The following EVC2 variants were observed in gnomAD, a reference collection of about 807,000 sequenced individuals.
EVC2 encodes EvC ciliary complex subunit 2.
A neutral mutation model predicts 149.3 loss-of-function variants in EVC2; 148 were observed. The ratio of observed to expected loss-of-function variants is 0.99; its 90% confidence interval spans 0.87 to 1.14. The LOEUF is 1.14. Among genes scored for constraint, EVC2 ranks in the 50% most tolerant of loss-of-function variants. EVC2 has a pLI of 0.00. For synonymous variants in EVC2, 776 were observed against 649.9 expected, an observed-to-expected ratio of 1.19 and a Z score of -2.95; for missense variants, 1,854 against 1,627.3, an observed-to-expected ratio of 1.14 and a Z score of -2.40.
At chr4:5,587,121 A>T (rs1712359140) in intron 16 of EVC2, among the ~76,000 whole-genome samples, 1 of 152,216 alleles carries the variant, frequency 6.6e-6, no homozygotes, top group African/African-American at 2.4e-5. Flanking sequence ...TTTCTATTGA[A>T]GTGAAATGCA....
rs1461295651 is a variant in EVC2 at position 5,568,637 on chromosome 4, G to A, written c.3364C>T (p.Leu1122=). 18 of 1,606,926 alleles carry A rather than the reference G, an allele frequency of 1.1e-5. No homozygotes were observed. The highest frequency in any genetic ancestry group is 1.4e-5 in the Non-Finnish European group (17 of 1,179,754). Residue 1122 remains leucine (L), a synonymous_variant, in exon 20 of 22, where the codon CTG becomes TTG. Coordinates refer to ENST00000344408, the MANE Select transcript of EVC2 (RefSeq NM_147127.5). ...CTCGCCAGGTACGATGCCAGTCTCAGCTCCTACAGGAAACAACAGAGGGAG... is the reference window on the plus strand; with the variant it reads ...CTCGCCAGGTACGATGCCAGTCTCAACTCCTACAGGAAACAACAGAGGGAG... The part of the protein sequence containing the change: ...DTFATLCSQE[L]RLASYLARMA...
At chr4:5,632,263 G>A (rs575118963) in intron 10 of EVC2, among the ~76,000 whole-genome samples, 2 of 152,298 alleles carry the variant, frequency 1.3e-5, no homozygotes, top group South Asian at 2.1e-4. Context: ...CATGCAATAT[G>A]TACACGCACA....
At position 5,677,957 on chromosome 4, in the gene EVC2, C is replaced by T. The variant is rs563275799; in HGVS notation, c.870+3303G>A. On this transcript the variant is annotated intron_variant, in intron 7 of 21. Coordinates refer to ENST00000344408, the MANE Select transcript of EVC2 (RefSeq NM_147127.5). This position sits in a 1 kb window ranked among gnomAD's most constrained non-coding sequence, Gnocchi z 4.3. ...TGGCTCTCTGGGAGGCGGTGTGGTC[C>T]AGTGCCTGACAGCAGGGCTCTGGAG... 1.2e-4 allele frequency among the ~76,000 whole-genome samples: 18 copies of T among 152,286 alleles called. No homozygotes were observed. The South Asian group carries it at 3.7e-3, about 32-fold the overall frequency.
the EVC2 span, among the ~76,000 whole-genome samples, chr4:5,532,506 C>A: frequency 6.6e-6 from 1 of 152,296 alleles, no homozygotes; most frequent in East Asian, 1.9e-4. Flanking sequence ...AAGACTCAGG[C>A]CCTTGCAGTA....
chr4:5,588,697 T>G (rs1712515542), intron 16 of EVC2, among the ~76,000 whole-genome samples: 1 of 152,154 alleles, frequency 6.6e-6, no homozygotes, highest in Non-Finnish European at 1.5e-5. Flanking sequence ...CAAATCAAAC[T>G]TCTAGAGAAC....
In EVC2 at chr4:5,629,274, C is replaced by A. The variant is rs998180422; in HGVS notation, c.1711-540G>T. Among the ~76,000 whole-genome samples the A allele has an allele frequency of 2.0e-5, 3 of 152,300 alleles. 1 individual carries two copies. The highest frequency in any genetic ancestry group is 2.9e-5 in the Non-Finnish European group (2 of 68,026). ...GATAATGTGAGGTGTGTTCTCTGGA[C>A]CTAACACTGGGCCAAGAGTGTTTCA... On this transcript the variant is annotated intron_variant, in intron 11 of 21. Transcript: ENST00000344408.
At chr4:5,560,352 A>G (rs1721914434), downstream of EVC2, among the ~76,000 whole-genome samples, 1 of 152,182 alleles carries the variant, frequency 6.6e-6, no homozygotes, top group Non-Finnish European at 1.5e-5. This position sits in a 1 kb window ranked among gnomAD's most constrained non-coding sequence, Gnocchi z 4.1. Context: ...AAGAGGTTAA[A>G]TTGACTCACA....
chr4:5,706,337 G>C (rs201924677), intron 1 of EVC2, among the ~76,000 whole-genome samples: 3 of 54,230 alleles, frequency 5.5e-5, no homozygotes, highest in East Asian at 7.6e-4. Flanking sequence ...TAGATAGATA[G>C]ATACATAGAT....
chr4:5,706,381 CATAGATAGATACATAGATAGATAGATAG>C (rs1722168674), intron 1 of EVC2, among the ~76,000 whole-genome samples: 1 of 7,390 alleles, frequency 1.4e-4, no homozygotes. Flanking sequence ...TAGATAGATA[CATAGATAGATACATAGATAGATAGATAG>C]ATACATAGAT....
At chr4:5,658,363 C>A (rs963718371) in intron 9 of EVC2, among the ~76,000 whole-genome samples, 1 of 152,138 alleles carries the variant, frequency 6.6e-6, no homozygotes, top group Non-Finnish European at 1.5e-5. Context: ...AGATGAGGAA[C>A]AAAATCATTT....
chr4:5,593,414 C>T (rs1023918943), intron 16 of EVC2, among the ~76,000 whole-genome samples: 10 of 152,132 alleles, frequency 6.6e-5, no homozygotes, highest in African/African-American at 2.4e-4. Flanking sequence ...TCTTATGCTC[C>T]TTGGTTAAAT....
At chr4:5,555,212 A>C (rs926629982) in intron 21 of EVC2, among the ~76,000 whole-genome samples, 1 of 152,148 alleles carries the variant, frequency 6.6e-6, no homozygotes, top group African/African-American at 2.4e-5. Context: ...TGATTAATCA[A>C]AACCAGAGAA....
At chr4:5,678,536 G>C (rs537276725) in intron 7 of EVC2, among the ~76,000 whole-genome samples, 1 of 152,218 alleles carries the variant, frequency 6.6e-6, no homozygotes, top group Non-Finnish European at 1.5e-5. Flanking sequence ...ACAAGGAAGA[G>C]ATGTTCCTAG....
intron 21 of EVC2, among the ~76,000 whole-genome samples, chr4:5,543,629 T>C (rs1560115407): frequency 6.6e-6 from 1 of 152,130 alleles, no homozygotes; most frequent in African/African-American, 2.4e-5. Flanking sequence ...AAGGGGCTGA[T>C]GGGAGTGTGT....
rs73063765 is a variant in EVC2, at chr4:5,618,139, G to A, written c.2706+339C>T. ...TACCCAGAGTCAGTCATTAGCTGTG[G>A]CTGGAGGAGGGGGCAGGAGAGACAG... On this transcript the variant is annotated intron_variant, in intron 15 of 21. Transcript: ENST00000344408. The surrounding 1 kb of genome is among the most constrained non-coding windows in gnomAD (Gnocchi z 4.4). 0.12 allele frequency among the ~76,000 whole-genome samples: 18,577 copies of A among 152,118 alleles called. 2,314 individuals carry two copies. The highest frequency in any genetic ancestry group is 0.32 in the African/African-American group (13,161 of 41,426).
intron 21 of EVC2, among the ~76,000 whole-genome samples, chr4:5,544,489 T>C (rs1217799972): frequency 6.6e-6 from 1 of 152,130 alleles, no homozygotes. Context: ...TCATTAGCCT[T>C]CAAAACAAGT....
intron 1 of EVC2, among the ~76,000 whole-genome samples, chr4:5,698,092 C>A (rs1388755671): frequency 6.6e-6 from 1 of 152,128 alleles, no homozygotes; most frequent in Admixed American, 6.5e-5. Context: ...GTAAACTTTT[C>A]TAAGTCGGCC....
rs78501493 is a variant in EVC2 at position 5,670,200 on chromosome 4, T to C, written c.871-4551A>G. Among the ~76,000 whole-genome samples the C allele has an allele frequency of 5.9e-5, 9 of 152,094 alleles. No individual in the cohort carries two copies. The East Asian group carries it at 1.7e-3, about 29-fold the overall frequency. ...TCACTATCATCATCACCAACATTAA[T>C]ATTACCACCATGATTATCAACATCA... On this transcript the variant is annotated intron_variant, in intron 7 of 21. Transcript: ENST00000344408. The surrounding 1 kb of genome is among the most constrained non-coding windows in gnomAD (Gnocchi z 5.2).
At chr4:5,634,546 A>C (rs2108854869) in intron 10 of EVC2, among the ~76,000 whole-genome samples, 1 of 152,336 alleles carries the variant, frequency 6.6e-6, no homozygotes, top group South Asian at 2.1e-4. Context: ...TCCTAAAATA[A>C]AATATTTGGG....
Sources: allele counts gnomAD v4.1 joint callset (sites outside exome capture counted in the v4.1 genomes callset), GRCh38; gene constraint gnomAD v4.1.1; non-coding constraint Gnocchi (gnomAD v3.1); transcripts MANE v1.5; gene names NCBI Gene and HGNC (gene_info 2026-07-23, HGNC 2026-07-21).